The following AP4E1 variants were observed in gnomAD, a reference collection of about 807,000 sequenced individuals.
The protein encoded by AP4E1 is adaptor related protein complex 4 subunit epsilon 1.
AP4E1 carries 56 observed loss-of-function variants against 128.2 expected under a neutral mutation model. That is an observed-to-expected ratio of 0.44 (90% CI 0.35 to 0.55). AP4E1 has a LOEUF of 0.55. AP4E1 is among the 20% of genes least tolerant of loss of function. The pLI, the probability that AP4E1 is intolerant of heterozygous loss-of-function variation, is 0.00. For missense variants in AP4E1, 1,324 were observed against 1,307.7 expected (o/e 1.01, Z -0.19); for synonymous variants, 484 against 473.1 (o/e 1.02, Z -0.30).
chr15:50,995,411 T>G (rs979496642), intron 17 of AP4E1, among the ~76,000 whole-genome samples: 4 of 151,684 alleles, frequency 2.6e-5, no homozygotes, highest in Admixed American at 6.6e-5. Context: ...TTTTTTTTTT[T>G]TTTTGAAACA....
intron 3 of AP4E1, among the ~76,000 whole-genome samples, chr15:50,920,334 C>T (rs985115331): frequency 3.4e-4 from 51 of 148,234 alleles, no homozygotes; most frequent in Admixed American, 2.7e-3. Flanking sequence ...AGGATGGTCT[C>T]GATCTCCTGA....
intron 6 of AP4E1, 68 bp downstream of exon 6, chr15:50,929,236 G>T: frequency 6.6e-7 from 1 of 1,515,648 alleles, no homozygotes; most frequent in Non-Finnish European, 9.1e-7. Flanking sequence ...GAATTAAAAA[G>T]AAACAGATAT....
At chr15:50,972,349 C>G (rs1352332156) in intron 15 of AP4E1, among the ~76,000 whole-genome samples, 1 of 151,990 alleles carries the variant, frequency 6.6e-6, no homozygotes, top group Non-Finnish European at 1.5e-5. Flanking sequence ...GTAGCTGGGA[C>G]TACAGGCACA....
Position 50,968,324 on chromosome 15 carries a change from C to A in AP4E1, c.1913C>A (p.Ala638Glu). 6.2e-7 allele frequency: 1 copy of A among 1,613,572 alleles called. No homozygotes were observed. Among genetic ancestry groups the A allele is most frequent in the South Asian group, 1.1e-5 (1 of 91,026 alleles). The change falls in exon 15 of 21, where the codon GCG becomes GAG. Residue 638 changes from alanine (A) to glutamate (E), a missense_variant. Physicochemically the swap from Ala to Glu is moderately radical, Grantham distance 107 (BLOSUM62 -1). Transcript: ENST00000261842. Reference sequence around the variant, plus strand: ...GCTGAAGGACTCAGTCAGGGTGCAGCGCCTTACAAACCTCCCCATCAACGC... The same window carrying A: ...GCTGAAGGACTCAGTCAGGGTGCAGAGCCTTACAAACCTCCCCATCAACGC... ...FVAEGLSQGA[A>E]PYKPPHQRQE...
intron 10 of AP4E1, among the ~76,000 whole-genome samples, chr15:50,942,610 T>C (rs1460524427): frequency 2.7e-5 from 4 of 149,506 alleles, no homozygotes; most frequent in Non-Finnish European, 5.9e-5. Flanking sequence ...CTGTATATTA[T>C]ATATAACATA....
chr15:50,988,476 G>A (rs556590461), intron 16 of AP4E1, among the ~76,000 whole-genome samples: 6 of 151,804 alleles, frequency 4.0e-5, no homozygotes, highest in African/African-American at 9.7e-5. Flanking sequence ...CACCATACCC[G>A]GCTAATTTTT....
intron 14 of AP4E1, among the ~76,000 whole-genome samples, chr15:50,966,364 CA>C: frequency 6.6e-6 from 1 of 152,226 alleles, no homozygotes; most frequent in East Asian, 1.9e-4. Flanking sequence ...AGTAGTTCCT[CA>C]AGGGCAGAGG....
upstream of AP4E1, among the ~76,000 whole-genome samples, chr15:50,907,968 G>C (rs28555650): frequency 5.0e-3 from 760 of 152,336 alleles, 10 homozygotes; most frequent in African/African-American, 0.018. Flanking sequence ...AGCGCTGTGA[G>C]AGGGTGGGAC....
At chr15:50,977,814 A>T (rs1448439611) in intron 15 of AP4E1, among the ~76,000 whole-genome samples, 1 of 148,838 alleles carries the variant, frequency 6.7e-6, no homozygotes, top group Non-Finnish European at 1.5e-5. Context: ...GGTTCAAGCG[A>T]TTCTTGTGCC....
chr15:50,921,984 T>G (rs1406257527), intron 3 of AP4E1, among the ~76,000 whole-genome samples: 1 of 152,028 alleles, frequency 6.6e-6, no homozygotes, highest in Non-Finnish European at 1.5e-5. Flanking sequence ...ATACCTTAGC[T>G]GAGCAGGTGA....
chr15:50,913,780 T>TTTTGTTTGTTTTCTCAGTATTTTGTAGC (rs1439595503), intron 2 of AP4E1, among the ~76,000 whole-genome samples: 2 of 152,174 alleles, frequency 1.3e-5, no homozygotes, highest in African/African-American at 2.4e-5. Context: ...TTTGTTTATC[T>TTTTGTTTGTTTTCTCAGTATTTTGTAGC]TTTGTTTGTT....
In AP4E1 at chr15:50,954,276, G is replaced by A. The variant is rs1467518466; in HGVS notation, c.1548+4107G>A. ...ATACTAGTTTCATAAAATGACTTGG[G>A]AATGTGCCCTCCTATTTTCTGGAAG... On this transcript the variant is annotated intron_variant, in intron 13 of 20. Coordinates refer to ENST00000261842, the MANE Select transcript of AP4E1 (RefSeq NM_007347.5). Among the ~76,000 whole-genome samples, 4 of 152,156 alleles carry A rather than the reference G, an allele frequency of 2.6e-5. No homozygotes were observed. The South Asian group carries it at 6.2e-4, about 24-fold the overall frequency.
At chr15:50,972,471 C>T (rs1209080987) in intron 15 of AP4E1, among the ~76,000 whole-genome samples, 1 of 152,176 alleles carries the variant, frequency 6.6e-6, no homozygotes, top group Admixed American at 6.5e-5. Context: ...CTCAGCCTCC[C>T]AAAGTGCTGG....
Position 50,908,862 on chromosome 15 carries a change from C to T in AP4E1, c.84C>T (p.Ala28=). The T allele has an allele frequency of 6.2e-7, 1 of 1,609,594 alleles. No homozygotes were observed. The highest frequency in any genetic ancestry group is 8.5e-7 in the Non-Finnish European group (1 of 1,178,898). Residue 28 remains alanine (A), a synonymous_variant, in exon 1 of 21, where the codon GCC becomes GCT. Transcript: ENST00000261842. ...AGCCCGGTGGTGGGCCCGCGGCCGC[C>T]AAGGCGTCCTTCTCCTCGAGGCTGG... ...QNQPGGGPAA[A]KASFSSRLGS... is the part of the protein sequence containing the mutation.
At chr15:50,999,309 AT>A in intron 19 of AP4E1, 47 bp downstream of exon 19, 1 of 1,521,824 alleles carries the variant, frequency 6.6e-7, no homozygotes, top group Non-Finnish European at 9.0e-7. Flanking sequence ...TTCACCAACT[AT>A]TTTTTAGACC....
At chr15:50,928,881 A>G in intron 5 of AP4E1, 128 bp from the exon 6 acceptor site, 1 of 896,554 alleles carries the variant, frequency 1.1e-6, no homozygotes, top group East Asian at 2.7e-5. Context: ...TCACAAATGT[A>G]TAGTTATCTC....
Position 50,945,492 on chromosome 15 carries a change from C to G in AP4E1, c.1177-2528C>G. ...GTGCACTGGACACTCCTGTAATGTT[C>G]CATATGGATCATGTATCTGCAGTGC... On this transcript the variant is annotated intron_variant, in intron 10 of 20. Transcript: ENST00000261842. 4.0e-6 allele frequency: 3 copies of G among 758,180 alleles called. No homozygotes were observed. The South Asian group carries it at 4.2e-5, about 11-fold the overall frequency. The allele number at this position is 758,180 out of a possible 1,614,324, so 47.0% of individuals were successfully genotyped here.
chr15:50,989,748 G>A (rs1390398764), intron 16 of AP4E1, among the ~76,000 whole-genome samples: 1 of 152,280 alleles, frequency 6.6e-6, no homozygotes, highest in Admixed American at 6.5e-5. Context: ...TCTGGGGGGT[G>A]TGACAGGGCC....
At position 51,002,982 on chromosome 15, in the gene AP4E1, C is replaced by T. The variant is rs558173246; in HGVS notation, c.*320C>T. 3 of 249,680 alleles carry T rather than the reference C, an allele frequency of 1.2e-5. No individual in the cohort carries two copies. Among genetic ancestry groups the T allele is most frequent in the South Asian group, 1.1e-4 (2 of 18,754 alleles). The allele number at this position is 249,680 out of a possible 1,614,324, so 15.5% of individuals were successfully genotyped here. On this transcript the variant is annotated 3_prime_UTR_variant, in exon 21 of 21. Coordinates refer to ENST00000261842, the MANE Select transcript of AP4E1 (RefSeq NM_007347.5). ...TTTTGTTATAAATAATTTTATAGCA[C>T]GTTTACTCTAGTGCTAGCTAATTTG...
Sources: gnomAD v4.1 joint callset for allele counts (sites outside exome capture counted in the v4.1 genomes callset) on GRCh38, gnomAD v4.1.1 for gene constraint, MANE v1.5 for transcripts, NCBI Gene and HGNC (gene_info 2026-07-23, HGNC 2026-07-21) for gene names.